Variants in IRF5 observed in about 807,000 individuals in gnomAD.
IRF5 encodes the protein interferon regulatory factor 5.
IRF5 carries 24 observed loss-of-function variants against 55.1 expected under a neutral mutation model. The observed-to-expected ratio is 0.44, with a 90% CI of 0.32 to 0.61. The LOEUF (loss-of-function observed/expected upper bound fraction) is 0.61. IRF5 is among the 20% of genes least tolerant of loss of function. IRF5 has a pLI of 0.07. For missense variants in IRF5, 499 were observed against 658.5 expected (o/e 0.76, Z 2.65); for synonymous variants, 258 against 260.2 (o/e 0.99, Z 0.08).
chr7:128,946,486 C>T lies in IRF5; in HGVS notation c.386-15C>T, dbSNP rs1796308593. On this transcript the variant is annotated splice_polypyrimidine_tract_variant and intron_variant, in intron 3 of 8. Coordinates refer to ENST00000357234, the MANE Select transcript of IRF5 (RefSeq NM_001098629.3). The surrounding 1 kb of genome is among the most constrained non-coding windows in gnomAD (Gnocchi z 4.2). ...GACTCCTTTACTGCCCTGCTTTTCTCTCCCTGCTGTGCAGACTCCCAGCCC... is the reference window on the plus strand; with the variant it reads ...GACTCCTTTACTGCCCTGCTTTTCTTTCCCTGCTGTGCAGACTCCCAGCCC... 5 of 1,599,412 alleles carry T rather than the reference C, an allele frequency of 3.1e-6. No homozygotes were observed. The highest frequency in any genetic ancestry group is 4.3e-6 in the Non-Finnish European group (5 of 1,173,154).
chr7:128,942,505 T>G (rs992762613), intron 2 of IRF5, among the ~76,000 whole-genome samples: 1 of 150,404 alleles, frequency 6.6e-6, no homozygotes, highest in South Asian at 2.1e-4. Flanking sequence ...CAGGCTGGAG[T>G]GCAGTGGCAC....
chr7:128,947,114 A>G lies in IRF5; in HGVS notation c.481+58A>G, dbSNP rs1422266315. ...TATACAGAGAAGCTATAGGTACCAT[A>G]GGTACCTGGAAGGGGGCTGATGGGA... On this transcript the variant is annotated intron_variant, in intron 5 of 8. Coordinates refer to ENST00000357234, the MANE Select transcript of IRF5 (RefSeq NM_001098629.3). This position sits in a 1 kb window ranked among gnomAD's most constrained non-coding sequence, Gnocchi z 6.5. 1 of 1,612,932 alleles carries G rather than the reference A, an allele frequency of 6.2e-7. No individual in the cohort carries two copies. Among genetic ancestry groups the G allele is most frequent in the South Asian group, 1.1e-5 (1 of 91,042 alleles).
At chr7:128,937,085 G>A (rs1202202458), upstream of IRF5, among the ~76,000 whole-genome samples, 1 of 152,194 alleles carries the variant, frequency 6.6e-6, no homozygotes, top group Non-Finnish European at 1.5e-5. Flanking sequence ...CAAACCCCTG[G>A]CAATCCATAA....
At chr7:128,937,204 AAC>A (rs945303583), upstream of IRF5, among the ~76,000 whole-genome samples, 25 of 152,236 alleles carry the variant, frequency 1.6e-4, no homozygotes, top group African/African-American at 6.0e-4. Flanking sequence ...AAATTTCAGA[AAC>A]AGAAATTTTG....
rs886833560 is a variant in IRF5 at position 128,946,813 on chromosome 7, G to A, written c.448-210G>A. The A allele has an allele frequency of 3.0e-6, 2 of 673,926 alleles. No homozygotes were observed. The highest frequency in any genetic ancestry group is 5.2e-6 in the Non-Finnish European group (2 of 382,950). The allele number at this position is 673,926 out of a possible 1,614,324, so 41.7% of individuals were successfully genotyped here. On this transcript the variant is annotated intron_variant, in intron 4 of 8. Coordinates refer to ENST00000357234, the MANE Select transcript of IRF5 (RefSeq NM_001098629.3). The surrounding 1 kb of genome is among the most constrained non-coding windows in gnomAD (Gnocchi z 4.2). ...TGGTAGGTCTGACTCCCTGCAGAAGGCAAATGAGGAAAGTGAGGCAAAGGG... is the reference window on the plus strand; with the variant it reads ...TGGTAGGTCTGACTCCCTGCAGAAGACAAATGAGGAAAGTGAGGCAAAGGG...
rs759931283 is a variant in IRF5 at position 128,948,316 on chromosome 7, C to A, written c.1287C>A (p.Leu429=). The change falls in exon 8 of 9, where the codon CTC becomes CTA. Residue 429 remains leucine (L), a synonymous_variant. Transcript: ENST00000357234. This position sits in a 1 kb window ranked among gnomAD's most constrained non-coding sequence, Gnocchi z 4.6. ...ACCGCAAACCCCGAGAGAAGAAGCTCATTACTGTACAGGTACATCTCCCCT... is the reference window on the plus strand; with the variant it reads ...ACCGCAAACCCCGAGAGAAGAAGCTAATTACTGTACAGGTACATCTCCCCT... The part of the protein sequence containing the change: ...WPDRKPREKK[L]ITVQVVPVAA... The A allele has an allele frequency of 6.2e-7, 1 of 1,604,266 alleles. No individual in the cohort carries two copies. Among genetic ancestry groups the A allele is most frequent in the Non-Finnish European group, 8.5e-7 (1 of 1,176,514 alleles).
rs570113642 is a variant in IRF5, at chr7:128,942,346, G to A, written c.195+70G>A. On this transcript the variant is annotated intron_variant, in intron 2 of 8. Coordinates refer to ENST00000357234, the MANE Select transcript of IRF5 (RefSeq NM_001098629.3). ...TCCCCAGAAGAGGAGCGCACATAAC[G>A]CACACAGGCAGCTCCTCGAGGCTGG... The A allele has an allele frequency of 1.2e-3, 1,635 of 1,405,570 alleles. 35 individuals are homozygous for A. The South Asian group carries it at 0.02, about 18-fold the overall frequency. 87.1% of individuals were successfully genotyped at this position (1,405,570 alleles called of 1,614,324 possible).
chr7:128,948,255 T>G lies in IRF5; in HGVS notation c.1226T>G (p.Phe409Cys). 1 of 1,613,744 alleles carries G rather than the reference T, an allele frequency of 6.2e-7. No individual in the cohort carries two copies. Among genetic ancestry groups the G allele is most frequent in the Non-Finnish European group, 8.5e-7 (1 of 1,179,898 alleles). The stretch of plus-strand genomic sequence containing the variant: ...GGCCAGACCAACACCCCACCACCCT[T>G]CGAGATCTTCTTCTGCTTTGGGGAA... ...QKGQTNTPPP[F>C]EIFFCFGEEW... The change falls in exon 8 of 9, where the codon TTC (phenylalanine) becomes TGC (cysteine). Residue 409 changes from phenylalanine to cysteine, a missense_variant. Transcript: ENST00000357234. This position sits in a 1 kb window ranked among gnomAD's most constrained non-coding sequence, Gnocchi z 4.6.
intron 2 of IRF5, among the ~76,000 whole-genome samples, chr7:128,944,580 C>T (rs758788550): frequency 5.3e-5 from 8 of 152,216 alleles, no homozygotes; most frequent in Non-Finnish European, 1.2e-4. Flanking sequence ...TCACCACCCA[C>T]TCCCCTCCCT....
intron 1 of IRF5, among the ~76,000 whole-genome samples, chr7:128,939,655 G>A (rs1795916630): frequency 6.6e-6 from 1 of 152,188 alleles, no homozygotes; most frequent in African/African-American, 2.4e-5. Flanking sequence ...ATGAATTGCA[G>A]CTCCTGGGTG....
chr7:128,938,424 G>T (rs1428181613), intron 1 of IRF5, among the ~76,000 whole-genome samples: 1 of 152,206 alleles, frequency 6.6e-6, no homozygotes, highest in Non-Finnish European at 1.5e-5. Context: ...CGCCCAGAAT[G>T]GGGGTTCCCG....
At position 128,946,863 on chromosome 7, in the gene IRF5, C is replaced by T. The variant is rs545707851; in HGVS notation, c.448-160C>T. On this transcript the variant is annotated intron_variant, in intron 4 of 8. Transcript: ENST00000357234. This position sits in a 1 kb window ranked among gnomAD's most constrained non-coding sequence, Gnocchi z 4.2. ...GCTTTTCTGACCTGCCTGGGATGGA[C>T]GAGCTGGGACCGGAGGCAGGGTCTT... The T allele has an allele frequency of 2.6e-5, 22 of 860,784 alleles. No individual in the cohort carries two copies. The highest frequency in any genetic ancestry group is 3.6e-5 in the Non-Finnish European group (19 of 530,528). 53.3% of individuals were successfully genotyped at this position (860,784 alleles called of 1,614,324 possible).
intron 1 of IRF5, among the ~76,000 whole-genome samples, chr7:128,939,453 C>G (rs1414525155): frequency 6.6e-6 from 1 of 152,072 alleles, no homozygotes. Flanking sequence ...GTGTGGGCAG[C>G]TGACCCGGAG....
chr7:128,942,922 CTA>C (rs1286176111), intron 2 of IRF5: 2 of 152,172 alleles, frequency 1.3e-5, no homozygotes, highest in Admixed American at 6.6e-5. Context: ...TGGGAACAAA[CTA>C]TTTTTAATAT....
Position 128,947,325 on chromosome 7 carries a change from C to CATA in IRF5, c.577_578insATA (p.Pro193delinsHisThr), listed in dbSNP as rs762734729. On this transcript the variant is annotated protein_altering_variant, in exon 6 of 9. Coordinates refer to ENST00000357234, the MANE Select transcript of IRF5 (RefSeq NM_001098629.3). The surrounding 1 kb of genome is among the most constrained non-coding windows in gnomAD (Gnocchi z 6.5). ...TCTGCAGCCGCCCACTCTGCGGCCG[C>CATA]CTACTCTGCAGCCGCCCACTCTGCA... is the stretch of plus-strand genomic sequence containing the variant. The CATA allele has an allele frequency of 6.1e-5, 25 of 412,892 alleles. No homozygotes were observed. The highest frequency in any genetic ancestry group is 1.5e-4 in the Admixed American group (4 of 27,024). The allele number at this position is 412,892 out of a possible 1,614,324, so 25.6% of individuals were successfully genotyped here.
In IRF5 at chr7:128,946,087, C is replaced by T. The variant is rs1456918199; in HGVS notation, c.385+53C>T. 1.3e-6 allele frequency: 2 copies of T among 1,490,336 alleles called. No homozygotes were observed. The highest frequency in any genetic ancestry group is 1.8e-6 in the Non-Finnish European group (2 of 1,113,400). The allele number at this position is 1,490,336 out of a possible 1,614,324, so 92.3% of individuals were successfully genotyped here. A position where few individuals can be genotyped will look rare whatever the true frequency, so the allele number is the denominator to read the frequency against. ...CCTGGGAGGCTGTGCAATGTCCTGG[C>T]CCCCAGCCATGAGCTCTTGGGTGCA... On this transcript the variant is annotated intron_variant, in intron 3 of 8. Transcript: ENST00000357234. The surrounding 1 kb of genome is among the most constrained non-coding windows in gnomAD (Gnocchi z 4.2).
chr7:128,942,533 A>C (rs1164644154), intron 2 of IRF5, among the ~76,000 whole-genome samples: 1 of 151,196 alleles, frequency 6.6e-6, no homozygotes, highest in African/African-American at 2.4e-5. Flanking sequence ...GCTCACTGCA[A>C]CCTCTGCCTC....
Position 128,948,797 on chromosome 7 carries a change from G to A in IRF5, c.1524G>A (p.Met508Ile). The change falls in exon 9 of 9, where the codon ATG becomes ATA. Residue 508 changes from methionine (M) to isoleucine (I), a missense_variant. Physicochemically the swap from Met to Ile is conservative, Grantham distance 10. Coordinates refer to ENST00000357234, the MANE Select transcript of IRF5 (RefSeq NM_001098629.3). The surrounding 1 kb of genome is among the most constrained non-coding windows in gnomAD (Gnocchi z 4.6). ...GLGVGQGPWP[M>I]HPAGMQ ...GTGTTGGCCAGGGGCCCTGGCCTATGCACCCAGCTGGCATGCAATAACAAG... is the reference window on the plus strand; with the variant it reads ...GTGTTGGCCAGGGGCCCTGGCCTATACACCCAGCTGGCATGCAATAACAAG... The A allele has an allele frequency of 6.2e-7, 1 of 1,604,860 alleles. No homozygotes were observed.
chr7:128,946,919 C>G lies in IRF5; in HGVS notation c.448-104C>G. Reference sequence around the variant, plus strand: ...AGCTAAACTGAGGCTAGGGGAGTTGCCTCATAGTTCTCGCCTGTTATTTCC... The same window carrying G: ...AGCTAAACTGAGGCTAGGGGAGTTGGCTCATAGTTCTCGCCTGTTATTTCC... On this transcript the variant is annotated intron_variant, in intron 4 of 8. Coordinates refer to ENST00000357234, the MANE Select transcript of IRF5 (RefSeq NM_001098629.3). This position sits in a 1 kb window ranked among gnomAD's most constrained non-coding sequence, Gnocchi z 4.2. The G allele has an allele frequency of 2.8e-6, 4 of 1,409,506 alleles. No homozygotes were observed. Among genetic ancestry groups the G allele is most frequent in the Non-Finnish European group, 4.0e-6 (4 of 997,844 alleles). 87.3% of individuals were successfully genotyped at this position (1,409,506 alleles called of 1,614,324 possible).
Sources: allele counts gnomAD v4.1 joint callset (sites outside exome capture counted in the v4.1 genomes callset), GRCh38; gene constraint gnomAD v4.1.1; non-coding constraint Gnocchi (gnomAD v3.1); transcripts MANE v1.5; gene names NCBI Gene and HGNC (gene_info 2026-07-23, HGNC 2026-07-21).